Variants in SPIDR observed in about 807,000 individuals in gnomAD.
SPIDR encodes the protein scaffold protein involved in DNA repair, also known as DNA repair-scaffolding protein.
Under a neutral mutation model 104.6 loss-of-function variants are expected in SPIDR, and 93 were observed. That is an observed-to-expected ratio of 0.89 (90% CI 0.75 to 1.06). The LOEUF is 1.06. Ranked by LOEUF, SPIDR falls within the 50% of genes least tolerant of loss-of-function variation. The pLI is 0.00. For missense variants in SPIDR, 1,154 were observed against 1,111.2 expected, an observed-to-expected ratio of 1.04 and a Z score of -0.55; for synonymous variants, 431 against 416.9, an observed-to-expected ratio of 1.03 and a Z score of -0.41.
At chr8:47,615,560 C>T (rs1449842011) in intron 10 of SPIDR, among the ~76,000 whole-genome samples, 1 of 150,786 alleles carries the variant, frequency 6.6e-6, no homozygotes, top group Non-Finnish European at 1.5e-5. Flanking sequence ...GCAACCTCCG[C>T]CTCTCGGGTT....
chr8:47,291,191 C>T lies in SPIDR; in HGVS notation c.361+54C>T, dbSNP rs2154237867. On this transcript the variant is annotated intron_variant, in intron 4 of 19. Transcript: ENST00000297423. Reference sequence around the variant, plus strand: ...ATTTTGTAACAGGAACATATTGTGTCCAGAAGATCAGAGTAATGAAGGTAA... The same window carrying T: ...ATTTTGTAACAGGAACATATTGTGTTCAGAAGATCAGAGTAATGAAGGTAA... The T allele has an allele frequency of 4.0e-6, 5 of 1,236,444 alleles. No homozygotes were observed. The East Asian group carries it at 9.8e-5, about 24-fold the overall frequency. The allele number at this position is 1,236,444 out of a possible 1,614,324, so 76.6% of individuals were successfully genotyped here.
intron 5 of SPIDR, among the ~76,000 whole-genome samples, chr8:47,362,546 T>G (rs1416172900): frequency 6.6e-6 from 1 of 152,226 alleles, no homozygotes; most frequent in African/African-American, 2.4e-5. Flanking sequence ...TCTTCCTCTG[T>G]CTTTGTTTTA....
chr8:47,698,244 T>C (rs537613911), intron 11 of SPIDR, among the ~76,000 whole-genome samples: 2 of 152,362 alleles, frequency 1.3e-5, no homozygotes, highest in African/African-American at 4.8e-5. Flanking sequence ...AACATATTTT[T>C]AAAGGATCAC....
chr8:47,334,867 AT>A (rs1437494906), intron 5 of SPIDR, among the ~76,000 whole-genome samples: 1 of 151,774 alleles, frequency 6.6e-6, no homozygotes, highest in African/African-American at 2.4e-5. Context: ...ATATGATTCT[AT>A]TTTTTTCTCA....
At chr8:47,508,918 A>G (rs1257110186) in intron 8 of SPIDR, among the ~76,000 whole-genome samples, 2 of 152,112 alleles carry the variant, frequency 1.3e-5, no homozygotes, top group Non-Finnish European at 2.9e-5. Context: ...ATGATTATGT[A>G]TTATGGAAGT....
At chr8:47,412,739 A>G (rs1240135843) in intron 7 of SPIDR, among the ~76,000 whole-genome samples, 4 of 152,220 alleles carry the variant, frequency 2.6e-5, no homozygotes, top group Admixed American at 6.5e-5. Flanking sequence ...TCTCCTATTT[A>G]TAAGTATTTG....
intron 8 of SPIDR, among the ~76,000 whole-genome samples, chr8:47,468,294 T>C (rs187232547): frequency 2.6e-5 from 4 of 152,314 alleles, no homozygotes; most frequent in Non-Finnish European, 1.5e-5. Context: ...AATTTACAGA[T>C]TTCAATACTA....
At chr8:47,646,294 T>C (rs974569222) in intron 10 of SPIDR, among the ~76,000 whole-genome samples, 2 of 152,220 alleles carry the variant, frequency 1.3e-5, no homozygotes, top group African/African-American at 2.4e-5. Context: ...CAATAAACAC[T>C]CTTCCTTTGG....
chr8:47,273,161 C>T (rs928237261), intron 1 of SPIDR, among the ~76,000 whole-genome samples: 1 of 152,128 alleles, frequency 6.6e-6, no homozygotes, highest in African/African-American at 2.4e-5. Flanking sequence ...AGGGCTCAGT[C>T]CCACGAGACT....
At chr8:47,566,825 G>GATATTC (rs1294505300) in intron 8 of SPIDR, among the ~76,000 whole-genome samples, 1 of 151,992 alleles carries the variant, frequency 6.6e-6, no homozygotes, top group East Asian at 1.9e-4. Context: ...GAATGGCCTT[G>GATATTC]AATATCACTT....
At chr8:47,485,970 C>G (rs1388718166) in intron 8 of SPIDR, among the ~76,000 whole-genome samples, 1 of 152,206 alleles carries the variant, frequency 6.6e-6, no homozygotes, top group Non-Finnish European at 1.5e-5. Context: ...AATGCAGCTC[C>G]TCGCCAGCAA....
intron 8 of SPIDR, among the ~76,000 whole-genome samples, chr8:47,586,777 G>A (rs1259882675): frequency 6.6e-6 from 1 of 152,062 alleles, no homozygotes; most frequent in Non-Finnish European, 1.5e-5. Context: ...GTTGTTGTTA[G>A]CTTGTTTTTG....
rs998289533 is a variant in SPIDR, at chr8:47,275,298, T to G, written c.34-4564T>G. On this transcript the variant is annotated intron_variant, in intron 1 of 19. Transcript: ENST00000297423. ...AAAGAAAATATCCCCCATAAATCTATAAAACCTATAATCAGCATAACATAA... is the reference window on the plus strand; with the variant it reads ...AAAGAAAATATCCCCCATAAATCTAGAAAACCTATAATCAGCATAACATAA... 8.6e-5 allele frequency among the ~76,000 whole-genome samples: 13 copies of G among 152,022 alleles called. 1 individual carries two copies. In the South Asian group the frequency reaches 2.7e-3, roughly 32 times the overall value.
At chr8:47,267,848 T>TC (rs2034416995) in intron 1 of SPIDR, among the ~76,000 whole-genome samples, 1 of 152,202 alleles carries the variant, frequency 6.6e-6, no homozygotes, top group African/African-American at 2.4e-5. Context: ...TTTGATGAGG[T>TC]CCAATTTGTT....
chr8:47,647,641 A>AGAGAGAGAGAGAGAGAGAGAGAGG (rs1563415769), intron 10 of SPIDR, among the ~76,000 whole-genome samples: 16 of 145,020 alleles, frequency 1.1e-4, no homozygotes, highest in African/African-American at 4.0e-4. Context: ...AGAGAGAGAG[A>AGAGAGAGAGAGAGAGAGAGAGAGG]GAGAGAGAGA....
chr8:47,421,309 CT>C (rs1161705340), intron 7 of SPIDR, among the ~76,000 whole-genome samples: 1 of 152,200 alleles, frequency 6.6e-6, no homozygotes, highest in African/African-American at 2.4e-5. Flanking sequence ...TTGTTCATTT[CT>C]TTTAATTCTT....
chr8:47,383,538 G>A (rs1250342581), intron 5 of SPIDR, among the ~76,000 whole-genome samples: 1 of 152,184 alleles, frequency 6.6e-6, no homozygotes, highest in Non-Finnish European at 1.5e-5. Flanking sequence ...AGACAAGTCA[G>A]AATGCACAGA....
intron 5 of SPIDR, among the ~76,000 whole-genome samples, chr8:47,377,662 G>A (rs1563785612): frequency 6.6e-6 from 1 of 152,254 alleles, no homozygotes; most frequent in Non-Finnish European, 1.5e-5. Context: ...GGAGGAAACA[G>A]CAGGTTTCAC....
At chr8:47,322,008 G>T (rs1216871133) in intron 5 of SPIDR, among the ~76,000 whole-genome samples, 1 of 152,054 alleles carries the variant, frequency 6.6e-6, no homozygotes, top group Non-Finnish European at 1.5e-5. Context: ...GAAAACCTAG[G>T]CAATACCATT....
Sources: allele counts gnomAD v4.1 joint callset (sites outside exome capture counted in the v4.1 genomes callset), GRCh38; gene constraint gnomAD v4.1.1; transcripts MANE v1.5; gene names NCBI Gene and HGNC (gene_info 2026-07-23, HGNC 2026-07-21).